Variants in FANCD2OS observed in about 807,000 individuals in gnomAD.
FANCD2OS encodes the protein FANCD2 opposite strand, also known as FANCD2 opposite strand protein.
In FANCD2OS, 11 loss-of-function variants were observed where a neutral mutation model predicts 13.2. The ratio of observed to expected loss-of-function variants is 0.83; its 90% CI spans 0.52 to 1.38. FANCD2OS has a LOEUF of 1.38. FANCD2OS is among the 40% of genes most tolerant of loss of function. The pLI is 0.00. For synonymous variants in FANCD2OS, 69 were observed against 84.5 expected, an observed-to-expected ratio of 0.82 and a Z score of 1.01; for missense variants, 217 against 213.9, an observed-to-expected ratio of 1.01 and a Z score of -0.09.
At chr3:10,105,770 AATTATATATATATATATATATATATAT>A (rs1482437928) in intron 1 of FANCD2OS, among the ~76,000 whole-genome samples, 2 of 30,362 alleles carry the variant, frequency 6.6e-5, no homozygotes, top group Admixed American at 4.6e-4. Context: ...AAAAAAAAAA[AATTATATATATATATATATATATATAT>A]ATATATATAT....
At chr3:10,107,182 C>T (rs887789228) in intron 1 of FANCD2OS, among the ~76,000 whole-genome samples, 4 of 152,198 alleles carry the variant, frequency 2.6e-5, no homozygotes, top group African/African-American at 7.2e-5. Flanking sequence ...TACTGTGGTA[C>T]ACCACCATGG....
At chr3:10,087,286 T>C (rs2125073261) in intron 2 of FANCD2OS, 1 of 1,561,944 alleles carries the variant, frequency 6.4e-7, no homozygotes. Context: ...AGATCCTTTT[T>C]TTTTTTTTTT....
chr3:10,097,445 C>G (rs1437292622), intron 2 of FANCD2OS, among the ~76,000 whole-genome samples: 1 of 152,236 alleles, frequency 6.6e-6, no homozygotes, highest in Non-Finnish European at 1.5e-5. Flanking sequence ...CATTCTCTTT[C>G]TCAGGGACGT....
downstream of FANCD2OS, among the ~76,000 whole-genome samples, chr3:10,102,143 CTT>C (rs747148572): frequency 4.9e-3 from 659 of 133,140 alleles, no homozygotes; most frequent in African/African-American, 5.9e-3. Flanking sequence ...ATCTTCTTTC[CTT>C]TTTTTTTTTT....
chr3:10,099,166 T>C, downstream of FANCD2OS: 1 of 1,430,092 alleles, frequency 7.0e-7, no homozygotes, highest in South Asian at 1.5e-5. Flanking sequence ...AGTTAAACCA[T>C]TTAAACACAT....
intron 1 of FANCD2OS, among the ~76,000 whole-genome samples, chr3:10,107,488 G>A (rs1695532208): frequency 1.3e-5 from 2 of 151,730 alleles, no homozygotes; most frequent in South Asian, 2.1e-4. Context: ...GGGTTTCACC[G>A]TGTTAGCCAG....
chr3:10,087,178 G>GT, intron 2 of FANCD2OS: 1 of 1,613,034 alleles, frequency 6.2e-7, no homozygotes, highest in Non-Finnish European at 8.5e-7. Flanking sequence ...AGCATTCCCA[G>GT]TTTCCAGTGT....
downstream of FANCD2OS, among the ~76,000 whole-genome samples, chr3:10,100,885 T>C (rs551853790): frequency 6.6e-6 from 1 of 151,862 alleles, no homozygotes; most frequent in South Asian, 2.1e-4. Flanking sequence ...GCCTTGCCAA[T>C]GTGGAGAAAC....
downstream of FANCD2OS, chr3:10,098,980 C>A (rs1294397833): frequency 5.0e-6 from 8 of 1,614,068 alleles, no homozygotes; most frequent in South Asian, 8.8e-5. Flanking sequence ...ATTTTTGGGA[C>A]CCAGAAGAAA....
intron 1 of FANCD2OS, among the ~76,000 whole-genome samples, chr3:10,105,799 T>C (rs1343602326): frequency 1.2e-5 from 1 of 80,120 alleles, no homozygotes; most frequent in African/African-American, 7.4e-5. Flanking sequence ...TATATATATA[T>C]ATATATATAT....
chr3:10,105,801 T>A (rs1575894521), intron 1 of FANCD2OS, among the ~76,000 whole-genome samples: 1 of 75,476 alleles, frequency 1.3e-5, no homozygotes, highest in African/African-American at 8.2e-5. Context: ...TATATATATA[T>A]ATATATATAT....
chr3:10,098,771 G>A (rs2125100849), downstream of FANCD2OS: 1 of 1,613,892 alleles, frequency 6.2e-7, no homozygotes, highest in Non-Finnish European at 8.5e-7. Context: ...AGATGAGAGT[G>A]AGGATGACAT....
At chr3:10,089,754 C>T (rs978575925) in intron 2 of FANCD2OS, among the ~76,000 whole-genome samples, 1 of 152,182 alleles carries the variant, frequency 6.6e-6, no homozygotes, top group African/African-American at 2.4e-5. Context: ...AGGCATGAGC[C>T]ATTGTGCCCA....
intron 2 of FANCD2OS, among the ~76,000 whole-genome samples, chr3:10,082,142 C>T (rs904069582): frequency 6.6e-6 from 1 of 152,238 alleles, no homozygotes; most frequent in African/African-American, 2.4e-5. Context: ...CTAGCATGCT[C>T]CTTCAGCTTT....
intron 2 of FANCD2OS, among the ~76,000 whole-genome samples, chr3:10,093,521 GA>G (rs887478379): frequency 2.0e-5 from 3 of 152,190 alleles, no homozygotes; most frequent in Admixed American, 1.3e-4. Context: ...CTATGAATTT[GA>G]AAACTTTTGG....
At position 10,104,730 on chromosome 3, in the gene FANCD2OS, C is replaced by CT. The variant is rs1374524105; in HGVS notation, c.44dup (p.Ser16GlufsTer32). On this transcript the variant is annotated frameshift_variant, in exon 2 of 2. Transcript: ENST00000450660. LOFTEE classifies it high-confidence loss of function. ...TCGTGTGCCGCAGCCATTGGAAACT[C>CT]TCATCCAGTGGGGTCCATGGTGACC... 6 of 1,607,634 alleles carry CT rather than the reference C, an allele frequency of 3.7e-6. No homozygotes were observed. Among genetic ancestry groups the CT allele is most frequent in the Non-Finnish European group, 4.2e-6 (5 of 1,176,880 alleles).
chr3:10,096,246 A>T, intron 2 of FANCD2OS: 1 of 1,468,860 alleles, frequency 6.8e-7, no homozygotes, highest in Non-Finnish European at 9.5e-7. Context: ...GTTCTTATTC[A>T]ACATTCAAAG....
Position 10,104,695 on chromosome 3 carries a change from G to A in FANCD2OS, c.80C>T (p.Pro27Leu), listed in dbSNP as rs1695421520. ...GGCCTTGAATGGGTGCTTGGAGGAA[G>A]GTGTAGGTGTCGTGTGCCGCAGCCA... ...FQWLRHTTPT[P>L]SSKHPFKASP... The change falls in exon 2 of 2, where the codon CCT becomes CTT. Residue 27 changes from proline to leucine, a missense_variant. By Grantham distance (98) the Pro-to-Leu change is moderately conservative. Coordinates refer to ENST00000450660, the MANE Select transcript of FANCD2OS (RefSeq NM_001164839.2). 1 of 1,613,950 alleles carries A rather than the reference G, an allele frequency of 6.2e-7. No individual in the cohort carries two copies. The highest frequency in any genetic ancestry group is 8.5e-7 in the Non-Finnish European group (1 of 1,179,910).
At position 10,104,545 on chromosome 3, in the gene FANCD2OS, G is replaced by T; in HGVS notation, c.230C>A (p.Ser77Ter). Residue 77 changes from serine (S) to a stop codon, truncating the protein, a stop_gained, in exon 2 of 2, where the codon TCA becomes TAA. Transcript: ENST00000450660. LOFTEE classifies it high-confidence loss of function. ...TTTGTTGTTCATCGTGCGCAACTCT[G>T]ATGTGTGGCAGGGTAACTTGGGACT... is the stretch of plus-strand genomic sequence containing the variant. Reference protein sequence around the residue: ...GVSPKLPCHTSELRTMNNKGL... With the variant: ...GVSPKLPCHT 1 of 1,614,218 alleles carries T rather than the reference G, an allele frequency of 6.2e-7. No individual in the cohort carries two copies. The highest frequency in any genetic ancestry group is 8.5e-7 in the Non-Finnish European group (1 of 1,180,038).
Sources: allele counts gnomAD v4.1 joint callset (sites outside exome capture counted in the v4.1 genomes callset), GRCh38; gene constraint gnomAD v4.1.1; transcripts MANE v1.5; gene names NCBI Gene and HGNC (gene_info 2026-07-23, HGNC 2026-07-21).